CACNA1D: variants seen among roughly 807,000 people sequenced by gnomAD.
CACNA1D encodes the protein voltage-dependent L-type calcium channel subunit alpha-1D.
A neutral mutation model predicts 257.1 loss-of-function variants in CACNA1D; 55 were observed. The ratio of observed to expected loss-of-function variants is 0.21; its 90% confidence interval spans 0.17 to 0.27. CACNA1D has a LOEUF of 0.27. CACNA1D is among the 10% of genes least tolerant of loss of function. The probability of loss-of-function intolerance (pLI) is 1.00; values close to 1 mark genes in which losing one functional copy is unlikely to be tolerated. For synonymous variants in CACNA1D, 980 were observed against 1,014.9 expected (o/e 0.97, Z 0.65); for missense variants, 1,876 against 2,784.0 (o/e 0.67, Z 7.34).
intron 4 of CACNA1D, among the ~76,000 whole-genome samples, chr3:53,651,498 C>T (rs1356514371): frequency 6.8e-6 from 1 of 146,052 alleles, no homozygotes; most frequent in Admixed American, 7.2e-5. Context: ...CTAGAAAATG[C>T]AGAGAAGCAG....
chr3:53,552,528 G>A (rs1200449010), intron 3 of CACNA1D, among the ~76,000 whole-genome samples: 2 of 152,060 alleles, frequency 1.3e-5, no homozygotes, highest in African/African-American at 2.4e-5. Flanking sequence ...TTAAAGACAT[G>A]CACCACCATG....
chr3:53,707,615 T>C (rs2094704176), intron 9 of CACNA1D, among the ~76,000 whole-genome samples: 1 of 152,232 alleles, frequency 6.6e-6, no homozygotes, highest in South Asian at 2.1e-4. Flanking sequence ...TTTTCAAGGA[T>C]AATTTATTTA....
chr3:53,528,779 CAT>C (rs1428376420), intron 3 of CACNA1D, among the ~76,000 whole-genome samples: 1 of 152,086 alleles, frequency 6.6e-6, no homozygotes, highest in African/African-American at 2.4e-5. Flanking sequence ...TTTTATTGCA[CAT>C]AGAATTTTAA....
At chr3:53,709,072 G>A (rs965770399) in intron 9 of CACNA1D, among the ~76,000 whole-genome samples, 3 of 152,154 alleles carry the variant, frequency 2.0e-5, no homozygotes, top group African/African-American at 4.8e-5. Flanking sequence ...CAGCTCCATG[G>A]GTGCAGCAGG....
At chr3:53,718,568 C>G (rs1205995696) in intron 10 of CACNA1D, 180 bp downstream of exon 10, 2 of 735,048 alleles carry the variant, frequency 2.7e-6, no homozygotes, top group Non-Finnish European at 4.8e-6. Flanking sequence ...CTCCTGCACA[C>G]CTCCCCACCC....
At chr3:53,732,621 G>A (rs2095008461) in intron 18 of CACNA1D, among the ~76,000 whole-genome samples, 194 bp from the exon 19 acceptor site, 1 of 152,094 alleles carries the variant, frequency 6.6e-6, no homozygotes, top group African/African-American at 2.4e-5. Flanking sequence ...TCACCAGACG[G>A]GGACACTTCT....
Position 53,702,689 on chromosome 3 carries a change from G to A in CACNA1D, c.1269G>A (p.Gln423=), listed in dbSNP as rs200940914. 6.2e-7 allele frequency: 1 copy of A among 1,614,214 alleles called. No individual in the cohort carries two copies. The highest frequency in any genetic ancestry group is 1.7e-5 in the Admixed American group (1 of 60,024). The stretch of plus-strand genomic sequence containing the variant: ...AGGCAAAAGCACGGGGAGATTTCCA[G>A]AAGCTCCGGGAGAAGCAGCAGCTGG... The part of the protein sequence containing the change: ...REKAKARGDF[Q]KLREKQQLEE... The change falls in exon 9 of 48, where the codon CAG becomes CAA. Residue 423 remains glutamine, a synonymous_variant. Transcript: ENST00000350061.
intron 37 of CACNA1D, among the ~76,000 whole-genome samples, chr3:53,778,217 T>G (rs1224708553): frequency 6.6e-6 from 1 of 152,188 alleles, no homozygotes; most frequent in Non-Finnish European, 1.5e-5. Context: ...TTCCATAAAC[T>G]TCCCAGTACT....
rs1393794032 is a variant in CACNA1D, at chr3:53,723,977, A to G, written c.2078A>G (p.Gln693Arg). 2 of 1,613,978 alleles carry G rather than the reference A, an allele frequency of 1.2e-6. No individual in the cohort carries two copies. Among genetic ancestry groups the G allele is most frequent in the African/African-American group, 2.7e-5 (2 of 74,904 alleles). Residue 693 changes from glutamine to arginine, a missense_variant, in exon 14 of 48, where the codon CAA becomes CGA. Coordinates refer to ENST00000350061, the MANE Select transcript of CACNA1D (RefSeq NM_001128840.3). This position sits in a 1 kb window ranked among gnomAD's most constrained non-coding sequence, Gnocchi z 5.6. The stretch of plus-strand genomic sequence containing the variant: ...CGGAGCACCTTTGACAATTTCCCTC[A>G]AGCACTTCTCACAGTGTTCCAGGTG... The part of the protein sequence containing the change: ...TKRSTFDNFP[Q>R]ALLTVFQILT...
chr3:53,749,176 A>G (rs892882233), intron 26 of CACNA1D, 92 bp from the exon 27 acceptor site: 1 of 850,218 alleles, frequency 1.2e-6, no homozygotes, highest in South Asian at 1.4e-5. Context: ...TCATGAGAGG[A>G]GTTCTGGAGA....
chr3:53,564,273 G>T (rs1027874184), intron 3 of CACNA1D, among the ~76,000 whole-genome samples: 13 of 152,034 alleles, frequency 8.6e-5, no homozygotes, highest in African/African-American at 3.1e-4. Flanking sequence ...TGATTCTCCT[G>T]CCTCAGCCTC....
rs550865947 is a variant in CACNA1D, at chr3:53,581,310, T to A, written c.484-69469T>A. 4.6e-5 allele frequency among the ~76,000 whole-genome samples: 7 copies of A among 152,326 alleles called. No individual in the cohort carries two copies. The South Asian group carries it at 1.4e-3, about 32-fold the overall frequency. On this transcript the variant is annotated intron_variant, in intron 3 of 47. Transcript: ENST00000350061. Reference sequence around the variant, plus strand: ...TAAATAAAGAAATACATTGTTAATGTAGAAAATTTAGAATTCACAGAAAAT... The same window carrying A: ...TAAATAAAGAAATACATTGTTAATGAAGAAAATTTAGAATTCACAGAAAAT...
chr3:53,767,851 C>G (rs1349069454), intron 30 of CACNA1D, among the ~76,000 whole-genome samples: 1 of 152,176 alleles, frequency 6.6e-6, no homozygotes, highest in African/African-American at 2.4e-5. Context: ...TGAAGCAGCC[C>G]CCCATGCCCA....
intron 40 of CACNA1D, among the ~76,000 whole-genome samples, chr3:53,794,629 T>C (rs1422409093): frequency 6.6e-6 from 1 of 152,216 alleles, no homozygotes; most frequent in Non-Finnish European, 1.5e-5. Context: ...CCTTTTATAC[T>C]CTACATTATT....
chr3:53,703,183 G>A (rs1385886546), intron 9 of CACNA1D, among the ~76,000 whole-genome samples: 2 of 152,230 alleles, frequency 1.3e-5, no homozygotes, highest in African/African-American at 4.8e-5. Flanking sequence ...AGTGAACAGT[G>A]TTATTGGACA....
At chr3:53,535,168 G>C (rs1185199394) in intron 3 of CACNA1D, among the ~76,000 whole-genome samples, 1 of 152,218 alleles carries the variant, frequency 6.6e-6, no homozygotes, top group Admixed American at 6.5e-5. Flanking sequence ...TATCCTTGCT[G>C]CTAGCTCCTC....
intron 3 of CACNA1D, among the ~76,000 whole-genome samples, chr3:53,569,545 T>C (rs182870725): frequency 1.7e-4 from 26 of 152,376 alleles, no homozygotes; most frequent in Admixed American, 8.5e-4. Flanking sequence ...GTGGAGATTC[T>C]AGTAATTCGC....
intron 3 of CACNA1D, among the ~76,000 whole-genome samples, chr3:53,546,566 A>G (rs1349178440): frequency 6.6e-6 from 1 of 152,226 alleles, no homozygotes. Flanking sequence ...TTTGTCTAAC[A>G]GGAATCTCCA....
intron 40 of CACNA1D, among the ~76,000 whole-genome samples, chr3:53,787,451 G>GTA (rs946537208): frequency 1.3e-5 from 2 of 150,798 alleles, no homozygotes; most frequent in Admixed American, 6.6e-5. Context: ...GTGTGTGTGT[G>GTA]TGTATGTATG....
Sources: allele counts gnomAD v4.1 joint callset (sites outside exome capture counted in the v4.1 genomes callset), GRCh38; gene constraint gnomAD v4.1.1; non-coding constraint Gnocchi (gnomAD v3.1); transcripts MANE v1.5; gene names NCBI Gene and HGNC (gene_info 2026-07-23, HGNC 2026-07-21).